Variants in RETREG1 observed in about 807,000 individuals in gnomAD.
RETREG1 encodes family with sequence similarity 134 member B.
In RETREG1, 44 loss-of-function variants were observed where a neutral mutation model predicts 54.8. The ratio of observed to expected loss-of-function variants is 0.80; its 90% confidence interval spans 0.63 to 1.03. The LOEUF is 1.03. Ranked by LOEUF, RETREG1 falls within the 50% of genes least tolerant of loss-of-function variation. The pLI, the probability that RETREG1 is intolerant of heterozygous loss-of-function variation, is 0.00. For synonymous variants in RETREG1, 217 were observed against 238.5 expected, an observed-to-expected ratio of 0.91 and a Z score of 0.83; for missense variants, 554 against 605.1, an observed-to-expected ratio of 0.92 and a Z score of 0.89.
intron 1 of RETREG1, among the ~76,000 whole-genome samples, chr5:16,604,385 C>T (rs77590071): frequency 0.022 from 3,418 of 152,280 alleles, 45 homozygotes; most frequent in Non-Finnish European, 0.031. Flanking sequence ...GGAAACTCCA[C>T]CAAGTGCCTA....
At chr5:16,568,677 G>A (rs1742088367) in intron 2 of RETREG1, among the ~76,000 whole-genome samples, 2 of 152,130 alleles carry the variant, frequency 1.3e-5, no homozygotes, top group Non-Finnish European at 2.9e-5. Context: ...TAGTTGCCAG[G>A]GGCTGGAGGA....
At chr5:16,562,637 G>A (rs1323370309) in intron 3 of RETREG1, among the ~76,000 whole-genome samples, 2 of 152,166 alleles carry the variant, frequency 1.3e-5, no homozygotes, top group Non-Finnish European at 2.9e-5. Flanking sequence ...TGATGAAAAT[G>A]ACATTTTACC....
At position 16,514,260 on chromosome 5, in the gene RETREG1, C is replaced by T. The variant is rs918721524; in HGVS notation, c.459-30788G>A. Among the ~76,000 whole-genome samples, 4 of 152,088 alleles carry T rather than the reference C, an allele frequency of 2.6e-5. No homozygotes were observed. The East Asian group carries it at 7.8e-4, about 29-fold the overall frequency. The stretch of plus-strand genomic sequence containing the variant: ...CTCCCTCCCACATTCTTATTTTTAA[C>T]CTAGAAGGAATGAAGTGTTGAACCT... On this transcript the variant is annotated intron_variant, in intron 3 of 8. Coordinates refer to ENST00000306320, the MANE Select transcript of RETREG1 (RefSeq NM_001034850.3).
At chr5:16,477,454 T>C (rs547464075) in intron 8 of RETREG1, among the ~76,000 whole-genome samples, 1 of 152,306 alleles carries the variant, frequency 6.6e-6, no homozygotes, top group Non-Finnish European at 1.5e-5. Context: ...AATTACACAG[T>C]ATGTGGCATT....
rs1395476951 is a variant in RETREG1, at chr5:16,593,645, G to A, written c.321-21543C>T. ...ATTAAAGACCCTTTGGGAAGCATCA[G>A]ATAACATGAATGGCCCTTGGATATC... On this transcript the variant is annotated intron_variant, in intron 1 of 8. Transcript: ENST00000306320. The surrounding 1 kb of genome is among the most constrained non-coding windows in gnomAD (Gnocchi z 4.9). 6.6e-6 allele frequency among the ~76,000 whole-genome samples: 1 copy of A among 152,040 alleles called. No individual in the cohort carries two copies. The highest frequency in any genetic ancestry group is 1.5e-5 in the Non-Finnish European group (1 of 68,018).
At chr5:16,484,745 A>C (rs1738951416) in intron 3 of RETREG1, among the ~76,000 whole-genome samples, 1 of 152,166 alleles carries the variant, frequency 6.6e-6, no homozygotes, top group African/African-American at 2.4e-5. Context: ...CATATTTTAA[A>C]AGGGGGGAAG....
At chr5:16,475,975 T>C (rs1453005371) in intron 8 of RETREG1, among the ~76,000 whole-genome samples, 1 of 152,206 alleles carries the variant, frequency 6.6e-6, no homozygotes, top group Admixed American at 6.5e-5. Context: ...AAGCCTTGTA[T>C]GTGGCTTGGA....
At chr5:16,510,047 G>A (rs1489787729) in intron 3 of RETREG1, among the ~76,000 whole-genome samples, 1 of 151,894 alleles carries the variant, frequency 6.6e-6, no homozygotes, top group Non-Finnish European at 1.5e-5. Context: ...AAAAATCTGT[G>A]TATTCTGTTG....
At chr5:16,491,363 CTT>C (rs1441364082) in intron 3 of RETREG1, among the ~76,000 whole-genome samples, 5 of 152,226 alleles carry the variant, frequency 3.3e-5, no homozygotes, top group African/African-American at 1.2e-4. Context: ...CCCTATGAGA[CTT>C]TAAATCCCAT....
intron 1 of RETREG1, among the ~76,000 whole-genome samples, chr5:16,589,675 GTCT>G (rs1742708604): frequency 1.3e-5 from 2 of 152,178 alleles, no homozygotes. Context: ...CCCAATGCAA[GTCT>G]TCTTTTCTAC....
In RETREG1 at chr5:16,576,939, TAAC is replaced by T. The variant is rs146630049; in HGVS notation, c.321-4840_321-4838del. Reference sequence around the variant, plus strand: ...CAAAAACAAGATATTTTTAACCAAATAACAATACCACCATCACATCTAAAAAAT... The same window carrying T: ...CAAAAACAAGATATTTTTAACCAAATAATACCACCATCACATCTAAAAAAT... On this transcript the variant is annotated intron_variant, in intron 1 of 8. Transcript: ENST00000306320. 6.3e-3 allele frequency among the ~76,000 whole-genome samples: 962 copies of T among 152,238 alleles called. 3 individuals are homozygous for T. The highest frequency in any genetic ancestry group is 0.012 in the Non-Finnish European group (785 of 68,010).
chr5:16,527,883 C>T (rs907739322), intron 3 of RETREG1, among the ~76,000 whole-genome samples: 10 of 140,104 alleles, frequency 7.1e-5, no homozygotes. Flanking sequence ...GATCTCGGCT[C>T]ACTGCAAGCT....
intron 3 of RETREG1, chr5:16,508,645 G>A (rs1740058323): frequency 1.2e-6 from 2 of 1,613,838 alleles, no homozygotes; most frequent in Admixed American, 1.7e-5. Context: ...CAGTGGCAAA[G>A]GCTGCAGCAC....
chr5:16,578,485 G>C (rs1449313658), intron 1 of RETREG1, among the ~76,000 whole-genome samples: 1 of 152,110 alleles, frequency 6.6e-6, no homozygotes, highest in Non-Finnish European at 1.5e-5. Flanking sequence ...GGCCTGTAAG[G>C]ACATCAAAAA....
chr5:16,515,350 TAATA>T (rs914543669), intron 3 of RETREG1, among the ~76,000 whole-genome samples: 1 of 152,210 alleles, frequency 6.6e-6, no homozygotes, highest in African/African-American at 2.4e-5. Flanking sequence ...TAAAGAAACA[TAATA>T]AATACTTTAT....
At chr5:16,553,329 G>GA (rs11376896) in intron 3 of RETREG1, among the ~76,000 whole-genome samples, 118,479 of 150,640 alleles carry the variant, frequency 0.79, 46,643 homozygotes, top group Middle Eastern at 0.84. Context: ...AAACGTGTAA[G>GA]AAAAAAAAAC....
At chr5:16,536,763 C>T (rs1741085640) in intron 3 of RETREG1, among the ~76,000 whole-genome samples, 1 of 152,168 alleles carries the variant, frequency 6.6e-6, no homozygotes, top group African/African-American at 2.4e-5. Flanking sequence ...GTGTCAATGG[C>T]GCCAAAGTCA....
chr5:16,480,954 G>A (rs766097011), intron 5 of RETREG1, 55 bp downstream of exon 5: 23 of 1,215,520 alleles, frequency 1.9e-5, no homozygotes, highest in African/African-American at 6.0e-5. Flanking sequence ...TCTGTTGACC[G>A]TAAGGTGATA....
intron 3 of RETREG1, among the ~76,000 whole-genome samples, chr5:16,537,203 C>T (rs1741098731): frequency 6.6e-6 from 1 of 152,324 alleles, no homozygotes; most frequent in Non-Finnish European, 1.5e-5. Context: ...TGCGACCTCC[C>T]AATTAAATTG....
Sources: allele counts gnomAD v4.1 joint callset (sites outside exome capture counted in the v4.1 genomes callset), GRCh38; gene constraint gnomAD v4.1.1; non-coding constraint Gnocchi (gnomAD v3.1); transcripts MANE v1.5; gene names NCBI Gene and HGNC (gene_info 2026-07-23, HGNC 2026-07-21).